PCM1: variants seen among roughly 807,000 people sequenced by gnomAD.
PCM1 encodes pericentriolar material 1.
Under a neutral mutation model 241.9 loss-of-function variants are expected in PCM1, and 157 were observed. That is an observed-to-expected ratio of 0.65 (90% CI 0.57 to 0.74). The LOEUF is 0.74. Ranked by LOEUF, PCM1 falls within the 30% of genes least tolerant of loss-of-function variation. PCM1 has a pLI of 0.00. For missense variants in PCM1, 3,478 were observed against 2,360.1 expected, an observed-to-expected ratio of 1.47 and a Z score of -9.81; for synonymous variants, 1,085 against 784.9, an observed-to-expected ratio of 1.38 and a Z score of -6.39.
At chr8:17,992,144 A>G (rs532905017) in intron 28 of PCM1, among the ~76,000 whole-genome samples, 11 of 152,334 alleles carry the variant, frequency 7.2e-5, no homozygotes, top group African/African-American at 2.6e-4. Flanking sequence ...CCGCTCGTTG[A>G]TTGATGGACA....
intron 36 of PCM1, among the ~76,000 whole-genome samples, chr8:18,018,900 A>G (rs2093516746): frequency 3.0e-5 from 1 of 33,788 alleles, no homozygotes; most frequent in Non-Finnish European, 8.8e-5. Flanking sequence ...ATACATACAC[A>G]TATATATATA....
chr8:18,007,928 G>T (rs1244061319), intron 30 of PCM1, among the ~76,000 whole-genome samples: 1 of 152,120 alleles, frequency 6.6e-6, no homozygotes, highest in African/African-American at 2.4e-5. Flanking sequence ...GGAAAAAGAG[G>T]AGTGGTTTTA....
Position 17,964,689 on chromosome 8 carries a change from A to G in PCM1, c.2776A>G (p.Ser926Gly), listed in dbSNP as rs1327818393. Reference protein sequence around the residue: ...DEEEEEEQDASSNDNFSVCPS... With the variant: ...DEEEEEEQDAGSNDNFSVCPS... Reference sequence around the variant, plus strand: ...AGAGGAGGAAGAAGAGCAAGATGCCAGTTCCAATGATAACTTTTCTGTGTG... The same window carrying G: ...AGAGGAGGAAGAAGAGCAAGATGCCGGTTCCAATGATAACTTTTCTGTGTG... Residue 926 changes from serine (S) to glycine (G), a missense_variant, in exon 18 of 39, where the codon AGT becomes GGT. By Grantham distance (56) the Ser-to-Gly change is moderately conservative (BLOSUM62 0). Coordinates refer to ENST00000325083, the MANE Select transcript of PCM1 (RefSeq NM_006197.4). 1.2e-6 allele frequency: 2 copies of G among 1,613,850 alleles called. No individual in the cohort carries two copies. Among genetic ancestry groups the G allele is most frequent in the African/African-American group, 1.3e-5 (1 of 74,950 alleles).
chr8:17,977,519 T>C (rs2079182119), intron 23 of PCM1, among the ~76,000 whole-genome samples: 1 of 152,164 alleles, frequency 6.6e-6, no homozygotes, highest in African/African-American at 2.4e-5. Flanking sequence ...TCTGCTGGCT[T>C]TTTCCTAGAG....
At chr8:18,027,298 A>G (rs186260763) in intron 38 of PCM1, among the ~76,000 whole-genome samples, 3 of 152,274 alleles carry the variant, frequency 2.0e-5, no homozygotes, top group African/African-American at 4.8e-5. Context: ...TTCCATCTGC[A>G]TTGAGCATTC....
intron 2 of PCM1, chr8:17,928,093 A>ACTGTC (rs766039083): frequency 6.6e-5 from 10 of 152,142 alleles, no homozygotes; most frequent in Non-Finnish European, 1.2e-4. Context: ...TACCCGTAGT[A>ACTGTC]CTGTCATCAA....
At position 17,947,219 on chromosome 8, in the gene PCM1, A is replaced by T; in HGVS notation, c.817A>T (p.Ile273Leu). The change falls in exon 7 of 39, where the codon ATA becomes TTA. Residue 273 changes from isoleucine to leucine, a missense_variant. Coordinates refer to ENST00000325083, the MANE Select transcript of PCM1 (RefSeq NM_006197.4). Reference protein sequence around the residue: ...RDPQQEPMEEIENLKKQHDLL... With the variant: ...RDPQQEPMEELENLKKQHDLL... ...TCCTCAGCAGGAGCCTATGGAAGAGATAGAAAATTTGAAGAAACAACATGA... is the reference window on the plus strand; with the variant it reads ...TCCTCAGCAGGAGCCTATGGAAGAGTTAGAAAATTTGAAGAAACAACATGA... 6.2e-7 allele frequency: 1 copy of T among 1,610,396 alleles called. No individual in the cohort carries two copies. The highest frequency in any genetic ancestry group is 8.5e-7 in the Non-Finnish European group (1 of 1,177,304).
chr8:18,026,939 C>T (rs551730278), intron 38 of PCM1, among the ~76,000 whole-genome samples: 1 of 152,198 alleles, frequency 6.6e-6, no homozygotes, highest in Non-Finnish European at 1.5e-5. Flanking sequence ...TCTGAGGTTG[C>T]TTCTATATAA....
intron 2 of PCM1, among the ~76,000 whole-genome samples, chr8:17,932,595 A>G (rs1413110154): frequency 6.6e-6 from 1 of 152,104 alleles, no homozygotes; most frequent in Non-Finnish European, 1.5e-5. Flanking sequence ...TCTGTATAAC[A>G]AAGGTATTAA....
Position 17,975,615 on chromosome 8 carries a change from A to C in PCM1, c.3943+2928A>C, listed in dbSNP as rs563075973. 3.3e-5 allele frequency among the ~76,000 whole-genome samples: 5 copies of C among 152,308 alleles called. No individual in the cohort carries two copies. In the South Asian group the frequency reaches 1.0e-3, roughly 32 times the overall value. Reference sequence around the variant, plus strand: ...GAACGGATATGACAGATATTTCAGCATAGTGGGAATTACACTGCTGTCTTG... The same window carrying C: ...GAACGGATATGACAGATATTTCAGCCTAGTGGGAATTACACTGCTGTCTTG... On this transcript the variant is annotated intron_variant, in intron 23 of 38. Coordinates refer to ENST00000325083, the MANE Select transcript of PCM1 (RefSeq NM_006197.4).
Position 17,966,236 on chromosome 8 carries a change from A to C in PCM1, c.3075+18A>C, listed in dbSNP as rs1238289976. 2 of 1,610,156 alleles carry C rather than the reference A, an allele frequency of 1.2e-6. No homozygotes were observed. The highest frequency in any genetic ancestry group is 1.3e-5 in the African/African-American group (1 of 74,776). On this transcript the variant is annotated intron_variant, in intron 19 of 38. Coordinates refer to ENST00000325083, the MANE Select transcript of PCM1 (RefSeq NM_006197.4). ...ACCAGCAGGTAAAATTTGCTATGAA[A>C]GTATATTTTTCGTCTATTTTTATAA...
chr8:17,950,707 C>A lies in PCM1; in HGVS notation c.1054C>A (p.Gln352Lys). ...TGACTTAATTCAGCGTTTTCATAAT[C>A]AGCTTCGTGATTCTCAGGTAACCTA... ...LNDLIQRFHN[Q>K]LRDSQPPAVP... The change falls in exon 8 of 39, where the codon CAG becomes AAG. Residue 352 changes from glutamine to lysine, a missense_variant. Coordinates refer to ENST00000325083, the MANE Select transcript of PCM1 (RefSeq NM_006197.4). 1 of 1,581,458 alleles carries A rather than the reference C, an allele frequency of 6.3e-7. No individual in the cohort carries two copies. Among genetic ancestry groups the A allele is most frequent in the Non-Finnish European group, 8.6e-7 (1 of 1,156,966 alleles).
chr8:17,980,567 C>T (rs1004493384), intron 23 of PCM1, 24 bp from the exon 24 acceptor site: 4 of 1,559,328 alleles, frequency 2.6e-6, no homozygotes, highest in Non-Finnish European at 3.5e-6. Context: ...CAACTGATAA[C>T]AGTTGTCACT....
intron 4 of PCM1, among the ~76,000 whole-genome samples, chr8:17,938,514 C>G (rs1368398476): frequency 6.6e-6 from 1 of 152,122 alleles, no homozygotes. Flanking sequence ...TCATATTCGT[C>G]AGTTGAATTG....
intron 29 of PCM1, among the ~76,000 whole-genome samples, chr8:17,996,117 C>G (rs930989955): frequency 1.2e-4 from 18 of 152,246 alleles, no homozygotes; most frequent in Non-Finnish European, 1.2e-4. Context: ...TGTTCCAGAT[C>G]ACAAAGGAAT....
rs928607902 is a variant in PCM1, at chr8:17,947,199, A to T, written c.797A>T (p.Gln266Leu). ...CTTATTTTCCAGGCCAGAGATCCTC[A>T]GCAGGAGCCTATGGAAGAGATAGAA... Reference protein sequence around the residue: ...FLKKILARDPQQEPMEEIENL... With the variant: ...FLKKILARDPLQEPMEEIENL... Residue 266 changes from glutamine to leucine, a missense_variant, in exon 7 of 39, where the codon CAG becomes CTG. By Grantham distance (113) the Gln-to-Leu change is moderately radical. Coordinates refer to ENST00000325083, the MANE Select transcript of PCM1 (RefSeq NM_006197.4). 1 of 1,601,962 alleles carries T rather than the reference A, an allele frequency of 6.2e-7. No homozygotes were observed. The highest frequency in any genetic ancestry group is 1.3e-5 in the African/African-American group (1 of 74,296).
chr8:17,996,602 T>C (rs1277479546), intron 29 of PCM1, among the ~76,000 whole-genome samples: 1 of 152,188 alleles, frequency 6.6e-6, no homozygotes, highest in African/African-American at 2.4e-5. Context: ...TCTGCTTTGA[T>C]CTTTATTATT....
intron 22 of PCM1, 61 bp downstream of exon 22, chr8:17,969,809 AT>A (rs1280993924): frequency 8.8e-6 from 11 of 1,247,552 alleles, no homozygotes; most frequent in Non-Finnish European, 1.3e-5. Context: ...ACATCTAATT[AT>A]GTGTAATTTG....
rs1183076367 is a variant in PCM1, at chr8:18,011,427, A to G, written c.5350+61A>G. On this transcript the variant is annotated intron_variant, in intron 33 of 38. Coordinates refer to ENST00000325083, the MANE Select transcript of PCM1 (RefSeq NM_006197.4). ...AGTTTTTTGTAGGTCATTTATTGGA[A>G]CAGTTTGGTGGAGTGTAACAAGTAT... The G allele has an allele frequency of 3.7e-6, 5 of 1,368,408 alleles. No individual in the cohort carries two copies. The East Asian group carries it at 7.3e-5, about 20-fold the overall frequency. 84.8% of individuals were successfully genotyped at this position (1,368,408 alleles called of 1,614,324 possible).
Sources: gnomAD v4.1 joint callset for allele counts (sites outside exome capture counted in the v4.1 genomes callset) on GRCh38, gnomAD v4.1.1 for gene constraint, MANE v1.5 for transcripts, NCBI Gene and HGNC (gene_info 2026-07-23, HGNC 2026-07-21) for gene names.